EHD3: variants seen among roughly 807,000 people sequenced by gnomAD.
The protein encoded by EHD3 is EH domain-containing protein 3.
A neutral mutation model predicts 43.0 loss-of-function variants in EHD3; 17 were observed. The ratio of observed to expected loss-of-function variants is 0.40; its 90% CI spans 0.27 to 0.59. The LOEUF (loss-of-function observed/expected upper bound fraction) is 0.59, where lower values mean the gene tolerates loss of function less well. Among genes scored for constraint, EHD3 ranks in the 20% least tolerant of loss-of-function variants. EHD3 has a pLI of 0.49. For missense variants in EHD3, 594 were observed against 705.6 expected, an observed-to-expected ratio of 0.84 and a Z score of 1.79; for synonymous variants, 313 against 289.5, an observed-to-expected ratio of 1.08 and a Z score of -0.82.
At chr2:31,245,553 A>ATATATATAT (rs1446415610) in intron 2 of EHD3, among the ~76,000 whole-genome samples, 7 of 35,072 alleles carry the variant, frequency 2.0e-4, no homozygotes, top group African/African-American at 6.3e-4. Flanking sequence ...ATATATATAT[A>ATATATATAT]TTTTTTTTTT....
Position 31,244,507 on chromosome 2 carries a change from G to T in EHD3, c.404+57G>T. 4.5e-6 allele frequency: 7 copies of T among 1,569,148 alleles called. No homozygotes were observed. In the South Asian group the frequency reaches 8.2e-5, roughly 18 times the overall value. ...TGCTCTCTTTTCTTCTTGGGGTATG[G>T]GGAGTGAAAGAACAGTAGGCAGGGT... On this transcript the variant is annotated intron_variant, in intron 2 of 5. Coordinates refer to ENST00000322054, the MANE Select transcript of EHD3 (RefSeq NM_014600.3).
chr2:31,253,593 G>T (rs1167644985), intron 3 of EHD3, among the ~76,000 whole-genome samples: 1 of 152,204 alleles, frequency 6.6e-6, no homozygotes, highest in African/African-American at 2.4e-5. Context: ...TAGACTGCCT[G>T]TTCTGCAAAG....
intron 1 of EHD3, among the ~76,000 whole-genome samples, chr2:31,239,447 C>T (rs1023738543): frequency 6.6e-6 from 1 of 152,208 alleles, no homozygotes; most frequent in South Asian, 2.1e-4. Flanking sequence ...GAACTGTGTC[C>T]GCGTGCCTCG....
At chr2:31,259,251 A>G (rs531048198) in intron 3 of EHD3, among the ~76,000 whole-genome samples, 2 of 152,300 alleles carry the variant, frequency 1.3e-5, no homozygotes, top group Non-Finnish European at 2.9e-5. Context: ...TCAGAATGGG[A>G]AAGCCTAACA....
chr2:31,261,645 A>C lies in EHD3; in HGVS notation c.1012A>C (p.Ile338Leu). 1 of 1,614,206 alleles carries C rather than the reference A, an allele frequency of 6.2e-7. No homozygotes were observed. The highest frequency in any genetic ancestry group is 1.3e-5 in the African/African-American group (1 of 75,054). Residue 338 changes from isoleucine (I) to leucine (L), a missense_variant, in exon 5 of 6, where the codon ATC (isoleucine) becomes CTC (leucine). Ile to Leu is a conservative substitution (Grantham distance 5). Around this residue, in one of 3 missense-constraint regions of EHD3, gnomAD observed 322 missense variants for 348.0 expected, o/e 0.93. Coordinates refer to ENST00000322054, the MANE Select transcript of EHD3 (RefSeq NM_014600.3). ...KKELVNNLAEIYGRIEREHQI... is the reference protein window; with the variant it reads ...KKELVNNLAELYGRIEREHQI... ...GGAGCTGGTCAACAACCTGGCCGAG[A>C]TCTATGGCCGGATCGAGCGGGAGCA...
Position 31,234,437 on chromosome 2 carries a change from C to T in EHD3, c.-185C>T, listed in dbSNP as rs1056192580. ...ATGCAGCAGCGGCTGGGCTTGGTCCCAGGAGCAGGGAGAGTGCGCTCCCGG... is the reference window on the plus strand; with the variant it reads ...ATGCAGCAGCGGCTGGGCTTGGTCCTAGGAGCAGGGAGAGTGCGCTCCCGG... On this transcript the variant is annotated 5_prime_UTR_variant, in exon 1 of 6. Coordinates refer to ENST00000322054, the MANE Select transcript of EHD3 (RefSeq NM_014600.3). 7 of 626,660 alleles carry T rather than the reference C, an allele frequency of 1.1e-5. No individual in the cohort carries two copies. Among genetic ancestry groups the T allele is most frequent in the South Asian group, 2.0e-5 (1 of 51,092 alleles). 38.8% of individuals were successfully genotyped at this position (626,660 alleles called of 1,614,324 possible).
At chr2:31,261,834 G>GATA in intron 5 of EHD3, 121 bp downstream of exon 5, 15 of 1,185,072 alleles carry the variant, frequency 1.3e-5, no homozygotes, top group South Asian at 1.0e-4. Flanking sequence ...GAATCTGCAG[G>GATA]CAAGGAGGTG....
chr2:31,261,269 T>C (rs1386717841), intron 4 of EHD3, among the ~76,000 whole-genome samples: 3 of 152,188 alleles, frequency 2.0e-5, no homozygotes, highest in Non-Finnish European at 2.9e-5. Flanking sequence ...GCTCAGCAAC[T>C]GTCAGCTGCT....
At chr2:31,250,457 G>A (rs976473585) in intron 3 of EHD3, among the ~76,000 whole-genome samples, 6 of 151,982 alleles carry the variant, frequency 3.9e-5, no homozygotes, top group Admixed American at 6.6e-5. Flanking sequence ...TAGTAGAGAC[G>A]GAGTTTTACC....
chr2:31,246,073 C>T (rs1429924169), intron 2 of EHD3, among the ~76,000 whole-genome samples: 1 of 152,010 alleles, frequency 6.6e-6, no homozygotes, highest in Non-Finnish European at 1.5e-5. Flanking sequence ...GGAACTTGGC[C>T]TGGCAGAGAG....
At chr2:31,241,721 C>G (rs1683428495) in intron 1 of EHD3, among the ~76,000 whole-genome samples, 1 of 152,166 alleles carries the variant, frequency 6.6e-6, no homozygotes, top group African/African-American at 2.4e-5. Context: ...TTAAGTACCC[C>G]CTGAAGAGCA....
chr2:31,235,459 C>G (rs1218883434), intron 1 of EHD3, among the ~76,000 whole-genome samples: 1 of 151,198 alleles, frequency 6.6e-6, no homozygotes, highest in African/African-American at 2.4e-5. Flanking sequence ...CTTTTTTTTT[C>G]CCCTTTCTCT....
At chr2:31,264,973 G>C (rs534716555) in intron 5 of EHD3, among the ~76,000 whole-genome samples, 3 of 151,866 alleles carry the variant, frequency 2.0e-5, no homozygotes, top group Admixed American at 6.6e-5. Flanking sequence ...ATTTTTGTGT[G>C]TGCTAAAAAC....
At chr2:31,246,240 CCCAAAATG>C (rs1265163690) in intron 2 of EHD3, among the ~76,000 whole-genome samples, 2 of 151,856 alleles carry the variant, frequency 1.3e-5, no homozygotes, top group Admixed American at 1.3e-4. Context: ...GTCCTGGATG[CCCAAAATG>C]CTAAAATGCA....
In EHD3 at chr2:31,266,615, C is replaced by G; in HGVS notation, c.1519C>G (p.Leu507Val). ...DDDEFALANH[L>V]IKVKLEGHEL... ...CGACGAGTTTGCACTGGCCAACCAC[C>G]TCATCAAAGTCAAGCTGGAGGGGCA... The change falls in exon 6 of 6, where the codon CTC becomes GTC. Residue 507 changes from leucine to valine, a missense_variant. By Grantham distance (32) the Leu-to-Val change is conservative (BLOSUM62 1). Transcript: ENST00000322054. This position sits in a 1 kb window ranked among gnomAD's most constrained non-coding sequence, Gnocchi z 5.1. 6.2e-7 allele frequency: 1 copy of G among 1,614,120 alleles called. No homozygotes were observed. Among genetic ancestry groups the G allele is most frequent in the Non-Finnish European group, 8.5e-7 (1 of 1,180,008 alleles).
chr2:31,250,360 G>A lies in EHD3; in HGVS notation c.502+892G>A, dbSNP rs372818702. Among the ~76,000 whole-genome samples the A allele has an allele frequency of 5.1e-4, 77 of 150,894 alleles. 1 individual carries two copies. The highest frequency in any genetic ancestry group is 9.0e-4 in the Non-Finnish European group (61 of 67,806). ...CAGCTCACCGCAACCTCTGCCTCCC[G>A]GGTTCAAGCGATTCTCCTGCCTCAG... is the stretch of plus-strand genomic sequence containing the variant. On this transcript the variant is annotated intron_variant, in intron 3 of 5. Transcript: ENST00000322054.
chr2:31,244,221 G>A lies in EHD3; in HGVS notation c.228-53G>A, dbSNP rs1036364731. 111 of 1,565,156 alleles carry A rather than the reference G, an allele frequency of 7.1e-5. No homozygotes were observed. The Middle Eastern group carries it at 7.4e-4, about 10-fold the overall frequency. On this transcript the variant is annotated intron_variant, in intron 1 of 5. Transcript: ENST00000322054. Reference sequence around the variant, plus strand: ...TTGTCTGCCTTATAGTAGACATGCCGTGTTGATCTTTGCGCAGAACGCCTG... The same window carrying A: ...TTGTCTGCCTTATAGTAGACATGCCATGTTGATCTTTGCGCAGAACGCCTG...
intron 5 of EHD3, among the ~76,000 whole-genome samples, chr2:31,263,954 G>C (rs1558653029): frequency 6.6e-6 from 1 of 152,212 alleles, no homozygotes; most frequent in Non-Finnish European, 1.5e-5. Flanking sequence ...TGTGGTGTGG[G>C]TTGTCATGTG....
chr2:31,240,713 A>G (rs1419672157), intron 1 of EHD3, among the ~76,000 whole-genome samples: 1 of 152,230 alleles, frequency 6.6e-6, no homozygotes, highest in Non-Finnish European at 1.5e-5. Flanking sequence ...CAGGGGTAGA[A>G]TTTGAGACGC....
Sources: allele counts gnomAD v4.1 joint callset (sites outside exome capture counted in the v4.1 genomes callset), GRCh38; gene constraint gnomAD v4.1.1; regional missense constraint gnomAD v4.1.1; non-coding constraint Gnocchi (gnomAD v3.1); transcripts MANE v1.5; gene names NCBI Gene and HGNC (gene_info 2026-07-23, HGNC 2026-07-21).